FANCB: variants seen among roughly 807,000 people sequenced by gnomAD.
The protein encoded by FANCB is Fanconi anemia group B protein.
Under a neutral mutation model 38.9 loss-of-function variants are expected in FANCB, and 5 were observed. The observed-to-expected ratio is 0.13, with a 90% CI of 0.07 to 0.27. The LOEUF (loss-of-function observed/expected upper bound fraction) is 0.27, where lower values mean the gene tolerates loss of function less well. Ranked by LOEUF, FANCB falls within the 10% of genes least tolerant of loss-of-function variation. FANCB has a pLI of 1.00. For synonymous variants in FANCB, 236 were observed against 215.4 expected (o/e 1.10, Z -0.84); for missense variants, 573 against 602.7 (o/e 0.95, Z 0.52).
At chrX:14,691,322 TGTGC>T in the FANCB span, among the ~76,000 whole-genome samples, 33 of 81,949 alleles carry the variant, frequency 4.0e-4, no homozygotes, top group African/African-American at 1.4e-3. Context: ...TGTGTGTGTG[TGTGC>T]GCGCGTGCGT....
the FANCB span, among the ~76,000 whole-genome samples, chrX:14,814,804 G>C: frequency 1.8e-5 from 2 of 111,943 alleles, no homozygotes; most frequent in Non-Finnish European, 3.8e-5. Context: ...ATTTGACCCA[G>C]CCATCCCATT....
chrX:14,797,657 G>A, the FANCB span, among the ~76,000 whole-genome samples: 1 of 104,173 alleles, frequency 9.6e-6, no homozygotes, highest in African/African-American at 3.7e-5. Context: ...ACTCCAGCCT[G>A]GGTAACAGAG....
chrX:14,717,940 A>G, the FANCB span, among the ~76,000 whole-genome samples: 1 of 111,253 alleles, frequency 9.0e-6, no homozygotes, highest in East Asian at 2.8e-4. Flanking sequence ...TAGGCTGATG[A>G]GTAAATGTGA....
the FANCB span, among the ~76,000 whole-genome samples, chrX:14,721,186 A>G: frequency 2.7e-5 from 3 of 110,654 alleles, no homozygotes; most frequent in Admixed American, 2.9e-4. Context: ...TCATTAGACA[A>G]AAGCTATACT....
chrX:14,849,008 C>T (rs1202321684), intron 7 of FANCB, among the ~76,000 whole-genome samples: 1 of 111,178 alleles, frequency 9.0e-6, no homozygotes, highest in Non-Finnish European at 1.9e-5. Flanking sequence ...GCATTGCGGG[C>T]TGCTGGCCAG....
At chrX:14,818,710 C>CT in the FANCB span, among the ~76,000 whole-genome samples, 1 of 111,833 alleles carries the variant, frequency 8.9e-6, no homozygotes, top group Non-Finnish European at 1.9e-5. Context: ...TTGACATTTA[C>CT]TTTAATATTT....
At chrX:14,809,867 C>A in the FANCB span, among the ~76,000 whole-genome samples, 41 of 112,578 alleles carry the variant, frequency 3.6e-4, no homozygotes, top group African/African-American at 1.2e-3. Context: ...TGAGAACGGG[C>A]AGACTGCCTC....
chrX:14,815,268 A>G, the FANCB span, among the ~76,000 whole-genome samples: 4 of 110,802 alleles, frequency 3.6e-5, no homozygotes, highest in Non-Finnish European at 5.7e-5. Context: ...ATGTATACAT[A>G]TGTAACAAAC....
At chrX:14,730,645 A>G in the FANCB span, 5 of 441,828 alleles carry the variant, frequency 1.1e-5, no homozygotes, top group Non-Finnish European at 2.0e-5. Flanking sequence ...AAAAAAAGAC[A>G]AGTTATATGG....
the FANCB span, among the ~76,000 whole-genome samples, chrX:14,768,575 T>C: frequency 4.1e-4 from 46 of 111,726 alleles, no homozygotes; most frequent in East Asian, 0.013. Flanking sequence ...GACATTGGGG[T>C]TTTCTAAATA....
chrX:14,811,896 T>G, the FANCB span, among the ~76,000 whole-genome samples: 1 of 111,577 alleles, frequency 9.0e-6, no homozygotes, highest in African/African-American at 3.3e-5. Context: ...TATTCCAAAA[T>G]TGACCACATA....
chrX:14,744,821 G>C, the FANCB span, among the ~76,000 whole-genome samples: 8 of 111,067 alleles, frequency 7.2e-5, no homozygotes, highest in Non-Finnish European at 1.5e-4. Context: ...CACATGTCAG[G>C]GTCGGCAGAC....
the FANCB span, among the ~76,000 whole-genome samples, chrX:14,742,284 T>C: frequency 8.9e-6 from 1 of 111,809 alleles, no homozygotes; most frequent in Admixed American, 9.5e-5. Flanking sequence ...ATATTCTAGG[T>C]AGAGAAAGTT....
chrX:14,837,299 C>A (rs1003193018), intron 10 of FANCB, among the ~76,000 whole-genome samples: 4 of 112,395 alleles, frequency 3.6e-5, no homozygotes, highest in African/African-American at 1.3e-4. Context: ...TCACCAGCCA[C>A]TGACAAACAC....
the FANCB span, chrX:14,731,219 T>C: frequency 0.46 from 51,704 of 111,350 alleles, 9,230 homozygotes; most frequent in Non-Finnish European, 0.57. Context: ...TTTTAATATT[T>C]TTCTTTCCAA....
At chrX:14,796,562 T>C in the FANCB span, among the ~76,000 whole-genome samples, 1 of 98,560 alleles carries the variant, frequency 1.0e-5, no homozygotes, top group East Asian at 3.0e-4. Flanking sequence ...AAATTATATG[T>C]TATATATTAT....
chrX:14,857,910 T>C lies in FANCB; in HGVS notation c.1149A>G (p.Lys383=), dbSNP rs751649474. 4 of 1,193,053 alleles carry C rather than the reference T, an allele frequency of 3.4e-6. No homozygotes were observed. Among genetic ancestry groups the C allele is most frequent in the Non-Finnish European group, 4.6e-6 (4 of 878,825 alleles). ...GAACCACCAGGTAACGATTCTCTTG[T>C]TTGTCTTCAAATAAGTCATCTTCAT... ...DCNEDDLFED[K]QENRYLVVPP... The change falls in exon 5 of 10, where the codon AAA becomes AAG. Residue 383 remains lysine (K), a synonymous_variant. Transcript: ENST00000650831.
chrX:14,693,565 C>T, the FANCB span, among the ~76,000 whole-genome samples: 5 of 111,763 alleles, frequency 4.5e-5, no homozygotes, highest in African/African-American at 1.3e-4. Flanking sequence ...AGAAAAAAAG[C>T]AGACAGAAAG....
chrX:14,796,855 T>C, the FANCB span, among the ~76,000 whole-genome samples: 3 of 109,767 alleles, frequency 2.7e-5, no homozygotes, highest in Admixed American at 9.9e-5. Context: ...CCAGTCCAAG[T>C]CTGAAGACCT....
Sources: allele counts gnomAD v4.1 joint callset (sites outside exome capture counted in the v4.1 genomes callset), GRCh38; gene constraint gnomAD v4.1.1; transcripts MANE v1.5; gene names NCBI Gene and HGNC (gene_info 2026-07-23, HGNC 2026-07-21).